MYOF: variants seen among roughly 807,000 people sequenced by gnomAD.
MYOF encodes fer-1-like 3, myoferlin.
A neutral mutation model predicts 284.2 loss-of-function variants in MYOF; 244 were observed. The ratio of observed to expected loss-of-function variants is 0.86; its 90% CI spans 0.77 to 0.95. The LOEUF is 0.95. Among genes scored for constraint, MYOF ranks in the 40% least tolerant of loss-of-function variants. MYOF has a pLI of 0.00. For missense variants in MYOF, 2,496 were observed against 2,560.6 expected, an observed-to-expected ratio of 0.97 and a Z score of 0.54; for synonymous variants, 904 against 919.7, an observed-to-expected ratio of 0.98 and a Z score of 0.31.
intron 17 of MYOF, among the ~76,000 whole-genome samples, chr10:93,391,848 C>G (rs1846703552): frequency 6.6e-6 from 1 of 152,332 alleles, no homozygotes; most frequent in African/African-American, 2.4e-5. Context: ...GAATCCCCTT[C>G]ATGTTTTGGA....
Position 93,377,373 on chromosome 10 carries a change from C to A in MYOF, c.2058G>T (p.Gln686His). 1.9e-6 allele frequency: 3 copies of A among 1,614,120 alleles called. No individual in the cohort carries two copies. Among genetic ancestry groups the A allele is most frequent in the Non-Finnish European group, 2.5e-6 (3 of 1,180,010 alleles). Residue 686 changes from glutamine to histidine, a missense_variant, in exon 22 of 54, where the codon CAG (glutamine) becomes CAT (histidine). By Grantham distance (24) the Gln-to-His change is conservative. This residue lies in a region of MYOF where 2,436 missense variants were observed against 2,480.7 expected (regional missense o/e 0.98). Transcript: ENST00000359263. ...TCAGCTTCAGCCACAATTCAGCCAG[C>A]TGGTTTGCAGGAATTTTACCTTGTA... is the stretch of plus-strand genomic sequence containing the variant. Reference protein sequence around the residue: ...SGIQGKIPANQLAELWLKLID... With the variant: ...SGIQGKIPANHLAELWLKLID...
chr10:93,341,998 G>A (rs1419972653), intron 38 of MYOF: 3 of 1,283,608 alleles, frequency 2.3e-6, no homozygotes, highest in South Asian at 1.2e-5. Context: ...TGTTGAGATG[G>A]CCATGTACAC....
chr10:93,415,007 G>A (rs997624781), intron 5 of MYOF, among the ~76,000 whole-genome samples: 1 of 152,098 alleles, frequency 6.6e-6, no homozygotes, highest in Non-Finnish European at 1.5e-5. Context: ...GCCTCCCAAA[G>A]TGCTGGGATT....
intron 3 of MYOF, among the ~76,000 whole-genome samples, chr10:93,442,025 C>CAG (rs1029858304): frequency 6.7e-6 from 1 of 148,356 alleles, no homozygotes; most frequent in Non-Finnish European, 1.5e-5. Flanking sequence ...CACACACACA[C>CAG]ACACACACAC....
intron 3 of MYOF, among the ~76,000 whole-genome samples, chr10:93,442,064 G>A (rs951159674): frequency 7.2e-6 from 1 of 139,574 alleles, no homozygotes; most frequent in Non-Finnish European, 1.5e-5. Flanking sequence ...GGAAAGTCTG[G>A]GCTCTGTGTA....
intron 38 of MYOF, among the ~76,000 whole-genome samples, chr10:93,342,526 A>G (rs1277158611): frequency 7.9e-5 from 12 of 152,232 alleles, no homozygotes; most frequent in Non-Finnish European, 1.5e-4. Flanking sequence ...CAATCCTGCT[A>G]TGTTGCAATG....
At chr10:93,443,169 T>A (rs1048875742) in intron 3 of MYOF, among the ~76,000 whole-genome samples, 16 of 135,936 alleles carry the variant, frequency 1.2e-4, no homozygotes, top group East Asian at 1.5e-3. Flanking sequence ...TCACAAAAAA[T>A]TTTTTTTAAA....
At chr10:93,355,369 G>A (rs1201817698) in intron 31 of MYOF, among the ~76,000 whole-genome samples, 4 of 152,202 alleles carry the variant, frequency 2.6e-5, no homozygotes, top group Non-Finnish European at 5.9e-5. Flanking sequence ...CAAGGCGGGT[G>A]GATCACCTGA....
rs201956372 is a variant in MYOF, at chr10:93,408,801, G to T, written c.715C>A (p.Pro239Thr). ...AACCCCTTTACCTCATCAAAAAAAG[G>T]GTTGTTTCCTCTCTTGATTCTTGTT... ...HRTRIKRGNN[P>T]FFDELFFYNV... The change falls in exon 7 of 54, where the codon CCT (proline) becomes ACT (threonine). Residue 239 changes from proline (P) to threonine (T), a missense_variant. Coordinates refer to ENST00000359263, the MANE Select transcript of MYOF (RefSeq NM_013451.4). 46 of 1,614,136 alleles carry T rather than the reference G, an allele frequency of 2.8e-5. 1 individual carries two copies. The highest frequency in any genetic ancestry group is 8.8e-5 in the South Asian group (8 of 91,080).
chr10:93,324,721 G>A (rs1050969188), intron 46 of MYOF, among the ~76,000 whole-genome samples: 2 of 152,148 alleles, frequency 1.3e-5, no homozygotes, highest in Non-Finnish European at 2.9e-5. Flanking sequence ...TGCAATCAGC[G>A]TGTCCATAGT....
Position 93,408,755 on chromosome 10 carries a change from T to A in MYOF, c.729+32A>T, listed in dbSNP as rs186569946. On this transcript the variant is annotated intron_variant, in intron 7 of 53. Coordinates refer to ENST00000359263, the MANE Select transcript of MYOF (RefSeq NM_013451.4). ...GTGTTTCCCTCCCCAGTGGGACTCA[T>A]GAGCAGAAACATGCCCTCTCAACCC... The A allele has an allele frequency of 1.8e-5, 29 of 1,613,668 alleles. No homozygotes were observed. The African/African-American group carries it at 2.7e-4, about 15-fold the overall frequency.
chr10:93,431,024 C>T (rs200261185), intron 4 of MYOF, among the ~76,000 whole-genome samples: 5,720 of 117,930 alleles, frequency 0.049, 312 homozygotes, highest in African/African-American at 0.13. Flanking sequence ...TTTTTCTTTT[C>T]TTTTTTTTTT....
At chr10:93,427,774 G>C (rs1007080866) in intron 4 of MYOF, among the ~76,000 whole-genome samples, 1 of 152,050 alleles carries the variant, frequency 6.6e-6, no homozygotes, top group Non-Finnish European at 1.5e-5. Flanking sequence ...AAACATACTA[G>C]TTCCTTACAA....
In MYOF at chr10:93,306,967, A is replaced by T. The variant is rs749412606; in HGVS notation, c.6182T>A (p.Val2061Glu). Residue 2061 changes from valine to glutamate, a missense_variant, in exon 54 of 54, where the codon GTG (valine) becomes GAG (glutamate). By Grantham distance (121) the Val-to-Glu change is moderately radical. Coordinates refer to ENST00000359263, the MANE Select transcript of MYOF (RefSeq NM_013451.4). ...GAAATGAAGCCTTTGCCTTTGTTAC[A>T]CATTTGGCTTTACAATCTTCATTGA... ...YLSMKIVKPN[V>E] The T allele has an allele frequency of 3.7e-6, 6 of 1,612,998 alleles. No individual in the cohort carries two copies. The South Asian group carries it at 6.6e-5, about 18-fold the overall frequency.
intron 5 of MYOF, among the ~76,000 whole-genome samples, chr10:93,419,034 C>G (rs1042824266): frequency 6.6e-6 from 1 of 152,192 alleles, no homozygotes; most frequent in Non-Finnish European, 1.5e-5. Context: ...ATGGTCTTCC[C>G]ATCAAGGACA....
chr10:93,385,358 G>A (rs372599948), intron 19 of MYOF, among the ~76,000 whole-genome samples: 15 of 152,284 alleles, frequency 9.9e-5, no homozygotes, highest in East Asian at 7.7e-4. Flanking sequence ...CAGGCCCACC[G>A]GGAGCAATAG....
At chr10:93,459,706 C>A (rs369093478) in intron 1 of MYOF, among the ~76,000 whole-genome samples, 1 of 152,156 alleles carries the variant, frequency 6.6e-6, no homozygotes, top group Admixed American at 6.6e-5. Flanking sequence ...TTTATGGTTG[C>A]GTTCCAGGGT....
rs189935790 is a variant in MYOF, at chr10:93,407,567, A to G, written c.729+1220T>C. ...AACATGGTGAAACCCCGTCTCTACT[A>G]AAAATACAAAAAAAAAAAAAATTAG... On this transcript the variant is annotated intron_variant, in intron 7 of 53. Coordinates refer to ENST00000359263, the MANE Select transcript of MYOF (RefSeq NM_013451.4). Among the ~76,000 whole-genome samples, 174 of 148,448 alleles carry G rather than the reference A, an allele frequency of 1.2e-3. No homozygotes were observed. The East Asian group carries it at 0.023, about 20-fold the overall frequency.
intron 13 of MYOF, among the ~76,000 whole-genome samples, chr10:93,398,136 T>C (rs920305870): frequency 6.6e-6 from 1 of 152,126 alleles, no homozygotes; most frequent in African/African-American, 2.4e-5. Flanking sequence ...ACCCTACTTC[T>C]CACTGACCTC....
Sources: allele counts gnomAD v4.1 joint callset (sites outside exome capture counted in the v4.1 genomes callset), GRCh38; gene constraint gnomAD v4.1.1; regional missense constraint gnomAD v4.1.1; transcripts MANE v1.5; gene names NCBI Gene and HGNC (gene_info 2026-07-23, HGNC 2026-07-21).